Variants in ANKRD18A observed in about 807,000 individuals in gnomAD.
ANKRD18A encodes ankyrin repeat domain 18A, also known as ankyrin repeat domain-containing protein 18A.
A neutral mutation model predicts 110.6 loss-of-function variants in ANKRD18A; 72 were observed. The observed-to-expected ratio is 0.65, with a 90% CI of 0.54 to 0.79. The LOEUF is 0.79. Among genes scored for constraint, ANKRD18A ranks in the 30% least tolerant of loss-of-function variants. The pLI, the probability that ANKRD18A is intolerant of heterozygous loss-of-function variation, is 0.00. For synonymous variants in ANKRD18A, 305 were observed against 410.3 expected (o/e 0.74, Z 3.10); for missense variants, 934 against 1,163.3 (o/e 0.80, Z 2.87).
intron 1 of ANKRD18A, among the ~76,000 whole-genome samples, chr9:38,617,179 C>T (rs1358139461): frequency 1.3e-5 from 2 of 152,218 alleles, no homozygotes; most frequent in Non-Finnish European, 2.9e-5. Flanking sequence ...CAGTGGCTCA[C>T]GCCTGTGATC....
chr9:38,615,645 T>C lies in ANKRD18A; in HGVS notation c.444A>G (p.Ser148=). ...LHYAVYNKGT[S]LAERLLSHHA... ...GGTGGGAAAGCAGTCTTTCTGCCAG[T>C]GAAGTCCCCTTATTATACACGGCAT... Residue 148 remains serine, a synonymous_variant, in exon 3 of 16, where the codon TCA becomes TCG. Transcript: ENST00000399703. 6.2e-7 allele frequency: 1 copy of C among 1,611,262 alleles called. No homozygotes were observed. Among genetic ancestry groups the C allele is most frequent in the South Asian group, 1.1e-5 (1 of 90,878 alleles).
At position 38,575,644 on chromosome 9, in the gene ANKRD18A, C is replaced by T. The variant is rs2118638453; in HGVS notation, c.2796G>A (p.Arg932=). ...GAAGAGTGCTGAGAAAATATTTCATCCGCTGTTTCTCCGTAAAGAGCTTGG... is the reference window on the plus strand; with the variant it reads ...GAAGAGTGCTGAGAAAATATTTCATTCGCTGTTTCTCCGTAAAGAGCTTGG... ...ISTKLFTEKQ[R]MKYFLSTLPT... is the part of the protein sequence containing the mutation. Residue 932 remains arginine, a synonymous_variant, in exon 15 of 16, where the codon CGG becomes CGA. Coordinates refer to ENST00000399703, the MANE Select transcript of ANKRD18A (RefSeq NM_147195.4). 3 of 1,551,734 alleles carry T rather than the reference C, an allele frequency of 1.9e-6. No individual in the cohort carries two copies. The highest frequency in any genetic ancestry group is 2.6e-6 in the Non-Finnish European group (3 of 1,146,874).
Position 38,601,184 on chromosome 9 carries a change from C to G in ANKRD18A, c.883G>C (p.Ala295Pro). The G allele has an allele frequency of 6.4e-7, 1 of 1,559,604 alleles. No individual in the cohort carries two copies. The highest frequency in any genetic ancestry group is 1.2e-5 in the South Asian group (1 of 84,644). The change falls in exon 8 of 16, where the codon GCT (alanine) becomes CCT (proline). Residue 295 changes from alanine to proline, a missense_variant. By Grantham distance (27) the Ala-to-Pro change is conservative (BLOSUM62 -1). Coordinates refer to ENST00000399703, the MANE Select transcript of ANKRD18A (RefSeq NM_147195.4). Reference sequence around the variant, plus strand: ...AGCCTTTCTTGCTTTTCCTCTGAAGCCACTTTTAGGTTGTGTTCTGCTGAC... The same window carrying G: ...AGCCTTTCTTGCTTTTCCTCTGAAGGCACTTTTAGGTTGTGTTCTGCTGAC... Reference protein sequence around the residue: ...RAKAEHNLKVASEEKQERLQR... With the variant: ...RAKAEHNLKVPSEEKQERLQR...
intron 5 of ANKRD18A, among the ~76,000 whole-genome samples, chr9:38,607,899 A>G (rs1825430348): frequency 6.6e-6 from 1 of 152,216 alleles, no homozygotes; most frequent in South Asian, 2.1e-4. Flanking sequence ...CAATGAGAAA[A>G]CATGTTTAAA....
At chr9:38,601,772 C>A (rs1295819199) in intron 7 of ANKRD18A, among the ~76,000 whole-genome samples, 1 of 152,040 alleles carries the variant, frequency 6.6e-6, no homozygotes, top group Non-Finnish European at 1.5e-5. Flanking sequence ...GGGATAACTG[C>A]TTGAAGCCAG....
At chr9:38,578,235 G>A (rs13285128) in intron 12 of ANKRD18A, 87 bp from the exon 13 acceptor site, 1 of 1,255,290 alleles carries the variant, frequency 8.0e-7, no homozygotes, top group Non-Finnish European at 1.1e-6. Context: ...GAAATGCATT[G>A]ACTTGAAATA....
At chr9:38,612,354 T>C (rs955441053) in intron 3 of ANKRD18A, among the ~76,000 whole-genome samples, 2 of 152,124 alleles carry the variant, frequency 1.3e-5, no homozygotes, top group African/African-American at 2.4e-5. Flanking sequence ...TCCATTTGTA[T>C]TGATTTCCAT....
chr9:38,609,493 AC>A (rs1452536169), intron 5 of ANKRD18A, among the ~76,000 whole-genome samples: 2 of 151,882 alleles, frequency 1.3e-5, no homozygotes, highest in Non-Finnish European at 2.9e-5. Context: ...AAAAAACAAA[AC>A]AAAACAAAAC....
At chr9:38,602,904 G>A (rs1403821806) in intron 7 of ANKRD18A, among the ~76,000 whole-genome samples, 1 of 152,160 alleles carries the variant, frequency 6.6e-6, no homozygotes. Flanking sequence ...CAAGCCTCAA[G>A]GGATGCTTCT....
intron 10 of ANKRD18A, among the ~76,000 whole-genome samples, chr9:38,589,437 G>A (rs1242530665): frequency 6.6e-6 from 1 of 152,232 alleles, no homozygotes; most frequent in Non-Finnish European, 1.5e-5. Context: ...GTAATCCTAA[G>A]TTATGAACCT....
At chr9:38,566,587 C>A (rs1440469155), downstream of ANKRD18A, 1 of 152,222 alleles carries the variant, frequency 6.6e-6, no homozygotes, top group Admixed American at 6.5e-5. Flanking sequence ...GCTGCTTCCA[C>A]ATTTTCAGGT....
At chr9:38,583,912 A>G (rs186924371) in intron 12 of ANKRD18A, among the ~76,000 whole-genome samples, 3 of 152,352 alleles carry the variant, frequency 2.0e-5, no homozygotes, top group African/African-American at 7.2e-5. Context: ...TCTACACCAG[A>G]TAAAACGTCC....
chr9:38,578,382 C>T (rs1824004900), intron 12 of ANKRD18A, among the ~76,000 whole-genome samples: 1 of 152,166 alleles, frequency 6.6e-6, no homozygotes, highest in African/African-American at 2.4e-5. Context: ...AACTTTTGCA[C>T]TTGCTTTTAC....
chr9:38,619,790 A>G (rs1826008234), intron 1 of ANKRD18A, among the ~76,000 whole-genome samples: 1 of 152,172 alleles, frequency 6.6e-6, no homozygotes, highest in Non-Finnish European at 1.5e-5. Flanking sequence ...AAAAAGGCTC[A>G]TGGTATTTTT....
intron 12 of ANKRD18A, among the ~76,000 whole-genome samples, chr9:38,579,702 C>G (rs1824068434): frequency 1.3e-5 from 2 of 152,162 alleles, no homozygotes; most frequent in Admixed American, 6.5e-5. Flanking sequence ...TTTCAGAGAA[C>G]AGTAAACTCT....
intron 3 of ANKRD18A, among the ~76,000 whole-genome samples, chr9:38,611,525 G>T (rs1825621117): frequency 6.6e-6 from 1 of 152,086 alleles, no homozygotes; most frequent in Admixed American, 6.5e-5. Context: ...ATTAACTTCA[G>T]TCATCTCCAA....
In ANKRD18A at chr9:38,575,879, A is replaced by T. The variant is rs1394555839; in HGVS notation, c.2742-181T>A. Among the ~76,000 whole-genome samples the T allele has an allele frequency of 2.0e-5, 3 of 152,220 alleles. No individual in the cohort carries two copies. The East Asian group carries it at 5.8e-4, about 29-fold the overall frequency. On this transcript the variant is annotated intron_variant, in intron 14 of 15. Coordinates refer to ENST00000399703, the MANE Select transcript of ANKRD18A (RefSeq NM_147195.4). Reference sequence around the variant, plus strand: ...GTAACGGTAATTTTAAAATCATCCTAAATAAGTATATGTGTTTCTAAGGTG... The same window carrying T: ...GTAACGGTAATTTTAAAATCATCCTTAATAAGTATATGTGTTTCTAAGGTG...
At chr9:38,591,266 A>C (rs1203791885) in intron 10 of ANKRD18A, among the ~76,000 whole-genome samples, 1 of 152,010 alleles carries the variant, frequency 6.6e-6, no homozygotes, top group Non-Finnish European at 1.5e-5. Flanking sequence ...CACCTCACCA[A>C]CCAGGTGTTC....
intron 15 of ANKRD18A, 173 bp from the exon 16 acceptor site, chr9:38,572,232 A>C (rs778334308): frequency 1.5e-5 from 7 of 473,394 alleles, no homozygotes; most frequent in Admixed American, 9.0e-5. Context: ...CGTTAATTCC[A>C]ATTGTGGTTA....
Sources: gnomAD v4.1 joint callset for allele counts (sites outside exome capture counted in the v4.1 genomes callset) on GRCh38, gnomAD v4.1.1 for gene constraint, MANE v1.5 for transcripts, NCBI Gene and HGNC (gene_info 2026-07-23, HGNC 2026-07-21) for gene names.